Variants in ABHD17B observed in about 807,000 individuals in gnomAD.
ABHD17B encodes the protein alpha/beta hydrolase domain-containing protein 17B.
Under a neutral mutation model 26.2 loss-of-function variants are expected in ABHD17B, and 9 were observed. The ratio of observed to expected loss-of-function variants is 0.34; its 90% CI spans 0.21 to 0.60. ABHD17B has a LOEUF of 0.60. Ranked by LOEUF, ABHD17B falls within the 20% of genes least tolerant of loss-of-function variation. The pLI is 0.80. For missense variants in ABHD17B, 224 were observed against 352.1 expected (o/e 0.64, Z 2.91); for synonymous variants, 127 against 122.3 (o/e 1.04, Z -0.25).
chr9:71,883,612 A>T (rs567907196), intron 1 of ABHD17B, among the ~76,000 whole-genome samples: 110 of 152,360 alleles, frequency 7.2e-4, no homozygotes, highest in African/African-American at 2.6e-3. Context: ...TGGTAGATTT[A>T]GCTTCATTCA....
At chr9:71,908,110 A>G (rs1403552194) in intron 1 of ABHD17B, among the ~76,000 whole-genome samples, 1 of 152,128 alleles carries the variant, frequency 6.6e-6, no homozygotes, top group Non-Finnish European at 1.5e-5. Flanking sequence ...AAAATTCCAC[A>G]AACAGTGAAG....
At chr9:71,865,108 T>C, downstream of ABHD17B, 2 of 964,698 alleles carry the variant, frequency 2.1e-6, no homozygotes, top group South Asian at 9.6e-5. Context: ...TCACTCTTTC[T>C]AGTGTGGGGG....
Position 71,867,007 on chromosome 9 carries a change from C to T in ABHD17B, c.648-1G>A. 1 of 1,613,496 alleles carries T rather than the reference C, an allele frequency of 6.2e-7. No individual in the cohort carries two copies. The highest frequency in any genetic ancestry group is 1.1e-5 in the South Asian group (1 of 91,058). On this transcript the variant is annotated splice_acceptor_variant, in intron 3 of 3. Coordinates refer to ENST00000333421, the MANE Select transcript of ABHD17B (RefSeq NM_001025780.3). LOFTEE classifies it high-confidence loss of function. ...GGTTATCTTAGAGATTTTGTCAATG[C>T]TGCAGGGAAAAAGGAAGGGGGAAAA...
At chr9:71,891,329 T>G (rs1207204743) in intron 1 of ABHD17B, among the ~76,000 whole-genome samples, 1 of 152,242 alleles carries the variant, frequency 6.6e-6, no homozygotes, top group South Asian at 2.1e-4. Flanking sequence ...CATTTTGTTT[T>G]ATACTTAATG....
intron 1 of ABHD17B, among the ~76,000 whole-genome samples, chr9:71,879,831 T>C (rs1282202981): frequency 2.0e-5 from 3 of 152,170 alleles, no homozygotes; most frequent in Non-Finnish European, 4.4e-5. Flanking sequence ...CATTTTGCAA[T>C]TGAGAAAACA....
intron 1 of ABHD17B, among the ~76,000 whole-genome samples, chr9:71,899,785 G>A (rs1478416791): frequency 1.3e-5 from 2 of 151,876 alleles, no homozygotes; most frequent in African/African-American, 4.8e-5. Flanking sequence ...TGCCTATTTC[G>A]GGGACATCAT....
chr9:71,892,918 T>C (rs1826834114), intron 1 of ABHD17B, among the ~76,000 whole-genome samples: 1 of 152,208 alleles, frequency 6.6e-6, no homozygotes, highest in Admixed American at 6.5e-5. Flanking sequence ...TGTAACTCTA[T>C]ACCCACTAAA....
intron 1 of ABHD17B, among the ~76,000 whole-genome samples, chr9:71,893,109 CA>C (rs1826842275): frequency 6.6e-6 from 1 of 152,160 alleles, no homozygotes; most frequent in African/African-American, 2.4e-5. Context: ...AAAAATATTC[CA>C]TTGTACCTAA....
intron 1 of ABHD17B, among the ~76,000 whole-genome samples, chr9:71,886,646 A>T (rs755803555): frequency 6.6e-6 from 1 of 151,978 alleles, no homozygotes; most frequent in Non-Finnish European, 1.5e-5. Context: ...CAGCCTCCCG[A>T]GCAGCTGGGA....
chr9:71,886,071 C>A (rs1330017137), intron 1 of ABHD17B, among the ~76,000 whole-genome samples: 1 of 152,102 alleles, frequency 6.6e-6, no homozygotes, highest in Non-Finnish European at 1.5e-5. Flanking sequence ...ATGTTAAGAA[C>A]TATAGTCTAA....
Position 71,892,707 on chromosome 9 carries a change from G to A in ABHD17B, c.-3-17624C>T, listed in dbSNP as rs1826826347. Among the ~76,000 whole-genome samples the A allele has an allele frequency of 1.3e-5, 2 of 151,870 alleles. 1 individual carries two copies. The highest frequency in any genetic ancestry group is 4.2e-4 in the South Asian group (2 of 4,812). On this transcript the variant is annotated intron_variant, in intron 1 of 3. Transcript: ENST00000333421. ...GGAAGTGCAGAGGTGAGAGAGTAAGGGAGGTTGTCATTTCCTACAGCTGTT... is the reference window on the plus strand; with the variant it reads ...GGAAGTGCAGAGGTGAGAGAGTAAGAGAGGTTGTCATTTCCTACAGCTGTT...
downstream of ABHD17B, among the ~76,000 whole-genome samples, chr9:71,864,441 G>T (rs183908623): frequency 6.6e-6 from 1 of 151,488 alleles, no homozygotes; most frequent in Non-Finnish European, 1.5e-5. Flanking sequence ...GGATGGTCTC[G>T]ATCTCCTGAC....
chr9:71,909,286 T>A (rs1827373874), intron 1 of ABHD17B, among the ~76,000 whole-genome samples: 1 of 152,208 alleles, frequency 6.6e-6, no homozygotes, highest in Non-Finnish European at 1.5e-5. Flanking sequence ...TCCTTCTGGA[T>A]TTCAAATGAT....
intron 1 of ABHD17B, among the ~76,000 whole-genome samples, chr9:71,878,550 A>G (rs1400849062): frequency 6.6e-6 from 1 of 152,218 alleles, no homozygotes; most frequent in Non-Finnish European, 1.5e-5. Context: ...TAAACACTGG[A>G]AGCCAAAAGA....
chr9:71,908,927 T>G (rs1466553702), intron 1 of ABHD17B, among the ~76,000 whole-genome samples: 1 of 152,216 alleles, frequency 6.6e-6, no homozygotes. Context: ...ATAGCGTGCC[T>G]GGAGTTGTAG....
intron 1 of ABHD17B, among the ~76,000 whole-genome samples, chr9:71,898,785 C>T (rs769240857): frequency 2.2e-4 from 34 of 152,042 alleles, no homozygotes; most frequent in Admixed American, 4.6e-4. Context: ...ATCACTTGAG[C>T]TCAGGCATTT....
At chr9:71,880,012 C>T (rs925323307) in intron 1 of ABHD17B, among the ~76,000 whole-genome samples, 4 of 151,852 alleles carry the variant, frequency 2.6e-5, no homozygotes, top group Non-Finnish European at 4.4e-5. Context: ...AAATAATGTA[C>T]TAAAGGAAAA....
intron 3 of ABHD17B, 67 bp downstream of exon 3, chr9:71,870,016 A>G: frequency 7.2e-7 from 1 of 1,392,552 alleles, no homozygotes; most frequent in Non-Finnish European, 9.9e-7. Flanking sequence ...TGTGTCATGA[A>G]TACTTTAAAT....
Position 71,875,072 on chromosome 9 carries a change from A to G in ABHD17B, c.9T>C (p.Asn3=). ...GGCAACATAGCTCACTAAATGAAAGATTATTCATGCTCTGAAAAAGAAAAG... is the reference window on the plus strand; with the variant it reads ...GGCAACATAGCTCACTAAATGAAAGGTTATTCATGCTCTGAAAAAGAAAAG... MN[N]LSFSELCCLF... The change falls in exon 2 of 4, where the codon AAT becomes AAC. Residue 3 remains asparagine (N), a synonymous_variant. Coordinates refer to ENST00000333421, the MANE Select transcript of ABHD17B (RefSeq NM_001025780.3). The G allele has an allele frequency of 6.2e-7, 1 of 1,604,174 alleles. No individual in the cohort carries two copies. Among genetic ancestry groups the G allele is most frequent in the East Asian group, 2.2e-5 (1 of 44,608 alleles).
Sources: gnomAD v4.1 joint callset for allele counts (sites outside exome capture counted in the v4.1 genomes callset) on GRCh38, gnomAD v4.1.1 for gene constraint, MANE v1.5 for transcripts, NCBI Gene and HGNC (gene_info 2026-07-23, HGNC 2026-07-21) for gene names.